DNAH1: variants seen among roughly 807,000 people sequenced by gnomAD.
The protein encoded by DNAH1 is dynein axonemal heavy chain 1, also known as axonemal beta dynein heavy chain 1.
A neutral mutation model predicts 484.3 loss-of-function variants in DNAH1; 327 were observed. The ratio of observed to expected loss-of-function variants is 0.68; its 90% CI spans 0.62 to 0.74. DNAH1 has a LOEUF of 0.74. Among genes scored for constraint, DNAH1 ranks in the 30% least tolerant of loss-of-function variants. The pLI is 0.00. For synonymous variants in DNAH1, 2,192 were observed against 2,191.9 expected (o/e 1.00, Z 0.00); for missense variants, 5,052 against 5,546.8 (o/e 0.91, Z 2.83).
chr3:52,396,121 G>A (rs1408941173), intron 70 of DNAH1, among the ~76,000 whole-genome samples: 1 of 152,064 alleles, frequency 6.6e-6, no homozygotes, highest in Non-Finnish European at 1.5e-5. Context: ...TTTTAGTGGA[G>A]ATGGCATTTC....
At chr3:52,380,634 G>A (rs1341920123) in intron 48 of DNAH1, among the ~76,000 whole-genome samples, 1 of 152,230 alleles carries the variant, frequency 6.6e-6, no homozygotes, top group Non-Finnish European at 1.5e-5. Context: ...AGGCCTCCAT[G>A]TGTCCCTGGG....
chr3:52,356,759 A>G lies in DNAH1; in HGVS notation c.3839A>G (p.Asn1280Ser). The G allele has an allele frequency of 6.2e-7, 1 of 1,611,062 alleles. No homozygotes were observed. The change falls in exon 22 of 78, where the codon AAT (asparagine) becomes AGT (serine). Residue 1280 changes from asparagine (N) to serine (S), a missense_variant. Physicochemically the swap from Asn to Ser is conservative, Grantham distance 46 (BLOSUM62 1). Coordinates refer to ENST00000420323, the MANE Select transcript of DNAH1 (RefSeq NM_015512.5). ...MERIWKKIMK[N>S]AYENREVINV... ...CGGATCTGGAAGAAGATCATGAAGA[A>G]TGCCTACGAGAACCGGGAGGCAAGC...
In DNAH1 at chr3:52,353,497, C is replaced by A; in HGVS notation, c.3344C>A (p.Ser1115Tyr). 6.2e-7 allele frequency: 1 copy of A among 1,613,948 alleles called. No individual in the cohort carries two copies. The highest frequency in any genetic ancestry group is 1.1e-5 in the South Asian group (1 of 91,082). ...CGGATCCGGCACTGGGAGACACTGT[C>A]CAACCAGATCAACATCAATGTCAGG... ...GMRIRHWETL[S>Y]NQININVRPK... Residue 1115 changes from serine to tyrosine, a missense_variant, in exon 20 of 78, where the codon TCC becomes TAC. By Grantham distance (144) the Ser-to-Tyr change is moderately radical. Transcript: ENST00000420323. This position sits in a 1 kb window ranked among gnomAD's most constrained non-coding sequence, Gnocchi z 5.0.
intron 1 of DNAH1, among the ~76,000 whole-genome samples, chr3:52,318,682 A>G (rs1434276708): frequency 6.6e-6 from 1 of 152,242 alleles, no homozygotes; most frequent in Non-Finnish European, 1.5e-5. Flanking sequence ...AGATGTGCAC[A>G]TGTAATACAG....
chr3:52,357,014 T>G (rs1387435288), intron 22 of DNAH1, among the ~76,000 whole-genome samples: 1 of 152,032 alleles, frequency 6.6e-6, no homozygotes, highest in Non-Finnish European at 1.5e-5. Context: ...AACGTTTTTT[T>G]TTTGTTTGTC....
In DNAH1 at chr3:52,366,746, T is replaced by G. The variant is rs1327114791; in HGVS notation, c.5624T>G (p.Leu1875Arg). Residue 1875 changes from leucine (L) to arginine (R), a missense_variant, in exon 36 of 78, where the codon CTG becomes CGG. Transcript: ENST00000420323. ...TCCGTCTCCCAGTGTTACAGAGTCC[T>G]GGCAGCTGCCATGACGTCACTGAAA... is the stretch of plus-strand genomic sequence containing the variant. ...GSGKSTCYRV[L>R]AAAMTSLKGQ... 1.2e-6 allele frequency: 2 copies of G among 1,612,000 alleles called. No homozygotes were observed. Among genetic ancestry groups the G allele is most frequent in the Non-Finnish European group, 1.7e-6 (2 of 1,178,818 alleles).
chr3:52,327,365 A>C (rs1578075807), intron 5 of DNAH1, among the ~76,000 whole-genome samples: 1 of 151,670 alleles, frequency 6.6e-6, no homozygotes, highest in Non-Finnish European at 1.5e-5. Context: ...GCTTTCACCC[A>C]CCTCCCCTCC....
rs1215039644 is a variant in DNAH1, at chr3:52,332,193, T to A, written c.1085T>A (p.Leu362His). 1.9e-6 allele frequency: 3 copies of A among 1,601,092 alleles called. No individual in the cohort carries two copies. The highest frequency in any genetic ancestry group is 2.6e-6 in the Non-Finnish European group (3 of 1,173,450). ...TACTGGGTGCCACGGATCCAGCTTC[T>A]CTTCTGCGCTGAGGACCCTTGCATG... ...CQYWVPRIQL[L>H]FCAEDPCMFA... Residue 362 changes from leucine to histidine, a missense_variant, in exon 8 of 78, where the codon CTC becomes CAC. Coordinates refer to ENST00000420323, the MANE Select transcript of DNAH1 (RefSeq NM_015512.5).
Position 52,327,939 on chromosome 3 carries a change from TTGGAGCCAGGGTCTC to T in DNAH1, c.801_815del (p.Glu267_Leu271del). On this transcript the variant is annotated inframe_deletion, in exon 6 of 78. Coordinates refer to ENST00000420323, the MANE Select transcript of DNAH1 (RefSeq NM_015512.5). ...TCCCAGAGAGTGGATCAACATGGGC[TTGGAGCCAGGGTCTC>T]TGGACAGGAAACCTGTCCCGGGAAA... 6 of 1,613,984 alleles carry T rather than the reference TTGGAGCCAGGGTCTC, an allele frequency of 3.7e-6. No homozygotes were observed. The highest frequency in any genetic ancestry group is 5.1e-6 in the Non-Finnish European group (6 of 1,179,854).
intron 70 of DNAH1, among the ~76,000 whole-genome samples, chr3:52,396,037 C>G (rs1198018755): frequency 6.6e-6 from 1 of 151,262 alleles, no homozygotes; most frequent in African/African-American, 2.4e-5. Flanking sequence ...CTCCTGAGTT[C>G]AAGCGATTCT....
intron 28 of DNAH1, among the ~76,000 whole-genome samples, chr3:52,360,705 G>A (rs1702818516): frequency 1.3e-5 from 2 of 152,338 alleles, no homozygotes; most frequent in South Asian, 4.1e-4. Context: ...TCTCAGCACA[G>A]GTGTGGCACT....
chr3:52,360,257 C>T, intron 27 of DNAH1, 54 bp from the exon 28 acceptor site: 1 of 1,551,526 alleles, frequency 6.4e-7, no homozygotes, highest in South Asian at 1.1e-5. Flanking sequence ...ACTATATACC[C>T]TGCCCAGTGG....
At chr3:52,318,390 C>G (rs1701029120) in intron 1 of DNAH1, among the ~76,000 whole-genome samples, 1 of 152,186 alleles carries the variant, frequency 6.6e-6, no homozygotes, top group Admixed American at 6.5e-5. Flanking sequence ...CCTGTACTTG[C>G]CAGACCAGTT....
rs772237031 is a variant in DNAH1 at position 52,349,361 on chromosome 3, G to A, written c.2467G>A (p.Ala823Thr). 21 of 1,613,884 alleles carry A rather than the reference G, an allele frequency of 1.3e-5. No individual in the cohort carries two copies. In the Admixed American group the frequency reaches 2.0e-4, roughly 15 times the overall value. ...GCAGAGCCTGTCCAAGAAACGCAAG[G>A]CCCTGGCCACTTCCGTGCTGGACAT... ...VKQSLSKKRK[A>T]LATSVLDILA... The change falls in exon 14 of 78, where the codon GCC becomes ACC. Residue 823 changes from alanine (A) to threonine (T), a missense_variant. Transcript: ENST00000420323.
At chr3:52,348,311 C>A (rs1702229240) in intron 12 of DNAH1, among the ~76,000 whole-genome samples, 1 of 152,144 alleles carries the variant, frequency 6.6e-6, no homozygotes, top group Non-Finnish European at 1.5e-5. Context: ...CGATCTGAAC[C>A]CTGGGCTTGC....
At position 52,364,578 on chromosome 3, in the gene DNAH1, C is replaced by G; in HGVS notation, c.5245-60C>G. On this transcript the variant is annotated intron_variant, in intron 32 of 77. Transcript: ENST00000420323. The surrounding 1 kb of genome is among the most constrained non-coding windows in gnomAD (Gnocchi z 4.2). ...ACTGCCAGGTGGGAGGCAGAGTGTT[C>G]CAGGCAGAAGCCTTGGAGAGGGACA... 4 of 1,592,810 alleles carry G rather than the reference C, an allele frequency of 2.5e-6. No individual in the cohort carries two copies. Among genetic ancestry groups the G allele is most frequent in the Non-Finnish European group, 3.4e-6 (4 of 1,161,284 alleles).
At chr3:52,336,164 CT>C (rs1196978113) in intron 8 of DNAH1, among the ~76,000 whole-genome samples, 1 of 152,172 alleles carries the variant, frequency 6.6e-6, no homozygotes, top group Non-Finnish European at 1.5e-5. Flanking sequence ...CTTTTGAGGA[CT>C]TAGTCATAAA....
chr3:52,356,328 T>C (rs1288764807), intron 21 of DNAH1, among the ~76,000 whole-genome samples: 1 of 152,158 alleles, frequency 6.6e-6, no homozygotes, highest in Non-Finnish European at 1.5e-5. Flanking sequence ...CTGGCGTGGG[T>C]GTGTTCCTCC....
At chr3:52,331,775 C>T (rs551905341) in intron 7 of DNAH1, among the ~76,000 whole-genome samples, 5 of 152,098 alleles carry the variant, frequency 3.3e-5, no homozygotes, top group South Asian at 2.1e-4. Flanking sequence ...CAGGTGCCCA[C>T]GACCACACCC....
Sources: gnomAD v4.1 joint callset for allele counts (sites outside exome capture counted in the v4.1 genomes callset) on GRCh38, gnomAD v4.1.1 for gene constraint, Gnocchi (gnomAD v3.1) non-coding constraint, MANE v1.5 for transcripts, NCBI Gene and HGNC (gene_info 2026-07-23, HGNC 2026-07-21) for gene names.